The following FAM227B variants were observed in gnomAD, a reference collection of about 807,000 sequenced individuals.
The protein encoded by FAM227B is protein FAM227B.
Under a neutral mutation model 73.8 loss-of-function variants are expected in FAM227B, and 88 were observed. That is an observed-to-expected ratio of 1.19 (90% CI 1.00 to 1.42). FAM227B has a LOEUF of 1.42. Among genes scored for constraint, FAM227B ranks in the 40% most tolerant of loss-of-function variants. FAM227B has a pLI of 0.00. For missense variants in FAM227B, 632 were observed against 590.9 expected (o/e 1.07, Z -0.72); for synonymous variants, 210 against 190.5 (o/e 1.10, Z -0.84).
At position 49,367,617 on chromosome 15, in the gene FAM227B, G is replaced by A. The variant is rs754227723; in HGVS notation, c.1111-9C>T. On this transcript the variant is annotated splice_polypyrimidine_tract_variant and intron_variant, in intron 12 of 15. Transcript: ENST00000299338. Reference sequence around the variant, plus strand: ...GTACTACTATAGTGCGACTGTAAGAGGAAGAAAATAATCAAGACAACGATT... The same window carrying A: ...GTACTACTATAGTGCGACTGTAAGAAGAAGAAAATAATCAAGACAACGATT... The A allele has an allele frequency of 2.1e-5, 33 of 1,536,040 alleles. No individual in the cohort carries two copies. Among genetic ancestry groups the A allele is most frequent in the Non-Finnish European group, 2.9e-5 (33 of 1,154,920 alleles).
chr15:49,410,641 TACCCACA>T (rs928955557), intron 11 of FAM227B, among the ~76,000 whole-genome samples: 1 of 152,080 alleles, frequency 6.6e-6, no homozygotes, highest in African/African-American at 2.4e-5. Context: ...TTTAAATGAT[TACCCACA>T]CAAACCCCAC....
chr15:49,568,207 T>C (rs183490009), intron 9 of FAM227B, 38 bp downstream of exon 9: 1 of 1,492,166 alleles, frequency 6.7e-7, no homozygotes, highest in Admixed American at 1.9e-5. Flanking sequence ...TCATTCACTT[T>C]AAAAATAATT....
chr15:49,548,626 A>C (rs2072316787), intron 9 of FAM227B, among the ~76,000 whole-genome samples: 1 of 152,228 alleles, frequency 6.6e-6, no homozygotes, highest in South Asian at 2.1e-4. Context: ...AATGTTTGGT[A>C]GAATTCAGCA....
At chr15:49,476,992 G>A (rs2055389803) in intron 11 of FAM227B, among the ~76,000 whole-genome samples, 1 of 151,820 alleles carries the variant, frequency 6.6e-6, no homozygotes, top group Non-Finnish European at 1.5e-5. Context: ...CCTGGGAGGC[G>A]GAGCTTGCAG....
intron 13 of FAM227B, among the ~76,000 whole-genome samples, chr15:49,352,002 T>A (rs553298238): frequency 1.3e-5 from 2 of 152,372 alleles, no homozygotes; most frequent in African/African-American, 4.8e-5. Flanking sequence ...TGTTCTAAGA[T>A]GGAGTCTATC....
intron 11 of FAM227B, among the ~76,000 whole-genome samples, chr15:49,469,795 T>G (rs1325333260): frequency 3.9e-5 from 6 of 152,132 alleles, no homozygotes; most frequent in African/African-American, 7.2e-5. Flanking sequence ...GTAATGAGAT[T>G]GAGAAGCTAC....
At chr15:49,601,991 T>C (rs2077234300) in intron 3 of FAM227B, among the ~76,000 whole-genome samples, 1 of 152,248 alleles carries the variant, frequency 6.6e-6, no homozygotes, top group South Asian at 2.1e-4. Context: ...TTTTTATGGC[T>C]GAATAGTACT....
intron 11 of FAM227B, among the ~76,000 whole-genome samples, chr15:49,393,923 T>C (rs1215889508): frequency 6.6e-6 from 1 of 152,152 alleles, no homozygotes; most frequent in African/African-American, 2.4e-5. Context: ...CACTATACTA[T>C]AGTGGAATGT....
intron 2 of FAM227B, among the ~76,000 whole-genome samples, chr15:49,612,286 C>A (rs2153335387): frequency 6.6e-6 from 1 of 152,224 alleles, no homozygotes; most frequent in Middle Eastern, 3.4e-3. Context: ...TGTTCCCCTT[C>A]CTGTGTCCAT....
intron 3 of FAM227B, among the ~76,000 whole-genome samples, chr15:49,599,755 T>C (rs1444269364): frequency 6.6e-6 from 1 of 152,208 alleles, no homozygotes; most frequent in South Asian, 2.1e-4. Context: ...TTTAATATTA[T>C]TGTGGTCACA....
At chr15:49,587,266 TG>T (rs1387588150) in intron 5 of FAM227B, among the ~76,000 whole-genome samples, 1 of 152,084 alleles carries the variant, frequency 6.6e-6, no homozygotes, top group Non-Finnish European at 1.5e-5. Context: ...CACTTTTAAG[TG>T]GGAGCTAAAT....
chr15:49,366,747 T>A, intron 13 of FAM227B: 1 of 830,238 alleles, frequency 1.2e-6, no homozygotes, highest in East Asian at 2.7e-5. Context: ...AGGCTGGGAG[T>A]CCCGCCACTG....
chr15:49,368,799 A>G (rs2045565349), intron 12 of FAM227B, among the ~76,000 whole-genome samples: 1 of 152,218 alleles, frequency 6.6e-6, no homozygotes, highest in South Asian at 2.1e-4. Context: ...AGAAATAGAC[A>G]TTTCTGTTAT....
intron 9 of FAM227B, among the ~76,000 whole-genome samples, chr15:49,555,772 T>C (rs947739040): frequency 1.6e-4 from 24 of 152,234 alleles, no homozygotes; most frequent in African/African-American, 5.8e-4. Context: ...ATTTGTCTGA[T>C]TGGTTGATTT....
chr15:49,366,194 G>A (rs959675101), intron 13 of FAM227B: 5 of 804,968 alleles, frequency 6.2e-6, no homozygotes, highest in East Asian at 2.4e-5. Context: ...GTTAGGCCAC[G>A]ATGGAGAACA....
chr15:49,449,584 C>T (rs2052535668), intron 11 of FAM227B, among the ~76,000 whole-genome samples: 1 of 152,012 alleles, frequency 6.6e-6, no homozygotes, highest in Admixed American at 6.6e-5. Flanking sequence ...CAACCTTATA[C>T]TTCTATTAAG....
At chr15:49,550,332 G>A (rs1398646656) in intron 9 of FAM227B, among the ~76,000 whole-genome samples, 9 of 147,330 alleles carry the variant, frequency 6.1e-5, no homozygotes, top group South Asian at 2.2e-4. Context: ...GCCGGGCGGC[G>A]GGCTGACCCC....
At chr15:49,338,541 C>T (rs2040169014) in intron 13 of FAM227B, among the ~76,000 whole-genome samples, 1 of 152,222 alleles carries the variant, frequency 6.6e-6, no homozygotes. Flanking sequence ...CAACCTTTCT[C>T]TCTGGCTGCC....
At chr15:49,380,550 A>G (rs1363291764) in intron 11 of FAM227B, among the ~76,000 whole-genome samples, 1 of 152,244 alleles carries the variant, frequency 6.6e-6, no homozygotes, top group Non-Finnish European at 1.5e-5. Flanking sequence ...CTAACATGCT[A>G]AAGAAATCAT....
Sources: allele counts gnomAD v4.1 joint callset (sites outside exome capture counted in the v4.1 genomes callset), GRCh38; gene constraint gnomAD v4.1.1; transcripts MANE v1.5; gene names NCBI Gene and HGNC (gene_info 2026-07-23, HGNC 2026-07-21).